PICALM: variants seen among roughly 807,000 people sequenced by gnomAD.
PICALM encodes the protein phosphatidylinositol-binding clathrin assembly protein.
In PICALM, 40 loss-of-function variants were observed where a neutral mutation model predicts 80.5. That is an observed-to-expected ratio of 0.50 (90% CI 0.39 to 0.65). The LOEUF is 0.65. PICALM is among the 30% of genes least tolerant of loss of function. The pLI is 0.00. For synonymous variants in PICALM, 288 were observed against 260.3 expected, an observed-to-expected ratio of 1.11 and a Z score of -1.02; for missense variants, 676 against 778.9, an observed-to-expected ratio of 0.87 and a Z score of 1.57.
intron 5 of PICALM, among the ~76,000 whole-genome samples, chr11:86,013,363 A>G (rs2095430382): frequency 6.6e-6 from 1 of 152,178 alleles, no homozygotes; most frequent in South Asian, 2.1e-4. Flanking sequence ...CCTGTTGAGA[A>G]GTTAGTGGCT....
In PICALM at chr11:85,961,853, A is replaced by G. The variant is rs1271684226; in HGVS notation, c.1945-2793T>C. ...GTGCCAAGTGATTTCATTTCTTTCTACCTATTTATTTATTTATTTATTTAT... is the reference window on the plus strand; with the variant it reads ...GTGCCAAGTGATTTCATTTCTTTCTGCCTATTTATTTATTTATTTATTTAT... On this transcript the variant is annotated intron_variant, in intron 19 of 19. Coordinates refer to ENST00000393346, the MANE Select transcript of PICALM (RefSeq NM_007166.4). Among the ~76,000 whole-genome samples the G allele has an allele frequency of 2.2e-5, 3 of 138,464 alleles. No homozygotes were observed. The East Asian group carries it at 7.0e-4, about 32-fold the overall frequency. The allele number at this position is 138,464 out of a possible 152,430, so 90.8% of individuals were successfully genotyped here. A position where few individuals can be genotyped will look rare whatever the true frequency, so the allele number is the denominator to read the frequency against.
chr11:86,032,359 C>T (rs2095767093), intron 1 of PICALM, among the ~76,000 whole-genome samples: 1 of 152,166 alleles, frequency 6.6e-6, no homozygotes, highest in African/African-American at 2.4e-5. Flanking sequence ...CGGTGGCTCA[C>T]CCCTGTAATC....
chr11:86,007,598 T>C lies in PICALM; in HGVS notation c.766-15A>G, dbSNP rs10792821. On this transcript the variant is annotated splice_polypyrimidine_tract_variant and intron_variant, in intron 7 of 19. Transcript: ENST00000393346. ...ATTCCAACTTGCTGTAAGAAAAGCA[T>C]TGTATTTAATAAATTATAATAAAAA... 265,994 of 1,306,846 alleles carry C rather than the reference T, an allele frequency of 0.2. 28,524 individuals are homozygous for C. The highest frequency in any genetic ancestry group is 0.46 in the East Asian group (18,913 of 41,068). The allele number at this position is 1,306,846 out of a possible 1,614,324, so 81.0% of individuals were successfully genotyped here. A position where few individuals can be genotyped will look rare whatever the true frequency, so the allele number is the denominator to read the frequency against.
At chr11:85,984,666 G>A (rs907078490) in intron 13 of PICALM, among the ~76,000 whole-genome samples, 1 of 152,080 alleles carries the variant, frequency 6.6e-6, no homozygotes, top group Non-Finnish European at 1.5e-5. Flanking sequence ...ACTAATTAAG[G>A]TGACTCTAGT....
chr11:85,963,498 C>A (rs999805411), intron 19 of PICALM, among the ~76,000 whole-genome samples: 1 of 152,202 alleles, frequency 6.6e-6, no homozygotes, highest in Non-Finnish European at 1.5e-5. Flanking sequence ...TATGTCACAA[C>A]TGAAGATGTC....
At chr11:86,068,616 G>A in intron 1 of PICALM, 35 bp downstream of exon 1, 1 of 1,590,368 alleles carries the variant, frequency 6.3e-7, no homozygotes, top group African/African-American at 1.4e-5. Context: ...TCGCGCGGGC[G>A]CCGGGGAGCG....
intron 1 of PICALM, among the ~76,000 whole-genome samples, chr11:86,057,031 A>G (rs966541340): frequency 1.3e-5 from 2 of 152,176 alleles, no homozygotes; most frequent in African/African-American, 4.8e-5. Flanking sequence ...AGTGACCGTT[A>G]ACAGATACAG....
chr11:85,965,519 T>C (rs1022784974), intron 19 of PICALM, among the ~76,000 whole-genome samples: 1 of 152,294 alleles, frequency 6.6e-6, no homozygotes, highest in Admixed American at 6.5e-5. Flanking sequence ...CCATTAGTGG[T>C]ACGTTGAATC....
intron 1 of PICALM, among the ~76,000 whole-genome samples, chr11:86,044,877 C>A (rs945504493): frequency 6.6e-6 from 1 of 152,174 alleles, no homozygotes; most frequent in Non-Finnish European, 1.5e-5. Flanking sequence ...AGTTTCATCC[C>A]GAAACCATCC....
chr11:86,031,377 A>T, intron 2 of PICALM, 92 bp downstream of exon 2: 1 of 940,542 alleles, frequency 1.1e-6, no homozygotes, highest in Non-Finnish European at 1.6e-6. Context: ...TGACCTTTGT[A>T]CCTGGGAGCT....
At chr11:85,971,436 G>A (rs1364981533) in intron 19 of PICALM, among the ~76,000 whole-genome samples, 1 of 151,982 alleles carries the variant, frequency 6.6e-6, no homozygotes, top group Admixed American at 6.6e-5. Context: ...CGTAAAACCT[G>A]GGTTAAGAGC....
intron 1 of PICALM, among the ~76,000 whole-genome samples, chr11:86,055,105 TG>T (rs1353888578): frequency 6.6e-6 from 1 of 151,930 alleles, no homozygotes; most frequent in Non-Finnish European, 1.5e-5. Flanking sequence ...CTGAGATGGG[TG>T]GATCACCTGA....
intron 1 of PICALM, among the ~76,000 whole-genome samples, chr11:86,060,942 ACTT>A (rs1565601315): frequency 6.6e-6 from 1 of 152,208 alleles, no homozygotes; most frequent in African/African-American, 2.4e-5. Context: ...GCTAAACTGG[ACTT>A]CATTAAGATT....
At chr11:86,047,957 C>A (rs768330405) in intron 1 of PICALM, among the ~76,000 whole-genome samples, 1 of 151,908 alleles carries the variant, frequency 6.6e-6, no homozygotes, top group Non-Finnish European at 1.5e-5. Context: ...AAAAATTAGC[C>A]GGGCATGGTG....
chr11:85,960,637 G>C (rs1434935163), intron 19 of PICALM: 3 of 841,632 alleles, frequency 3.6e-6, no homozygotes, highest in Non-Finnish European at 5.2e-6. Flanking sequence ...TTGTTTTTAA[G>C]TATTTAAGTC....
chr11:86,052,100 T>C (rs1452172611), intron 1 of PICALM, among the ~76,000 whole-genome samples: 1 of 152,208 alleles, frequency 6.6e-6, no homozygotes, highest in East Asian at 1.9e-4. Context: ...GTTGTAATAA[T>C]ACCCATGTGA....
intron 1 of PICALM, among the ~76,000 whole-genome samples, chr11:86,037,263 T>G (rs915672770): frequency 2.1e-5 from 3 of 140,308 alleles, no homozygotes; most frequent in African/African-American, 8.0e-5. Flanking sequence ...AAGAAAATTT[T>G]TTTTTTTTTT....
chr11:86,043,844 T>G (rs2096018344), intron 1 of PICALM, among the ~76,000 whole-genome samples: 1 of 152,158 alleles, frequency 6.6e-6, no homozygotes, highest in African/African-American at 2.4e-5. Context: ...CTTAAAAATT[T>G]TTAAATTCTG....
At chr11:86,064,905 T>C (rs2096421554) in intron 1 of PICALM, among the ~76,000 whole-genome samples, 1 of 151,738 alleles carries the variant, frequency 6.6e-6, no homozygotes, top group Admixed American at 6.6e-5. Context: ...GAGACCCCCA[T>C]CTCTCCAAAA....
Sources: gnomAD v4.1 joint callset for allele counts (sites outside exome capture counted in the v4.1 genomes callset) on GRCh38, gnomAD v4.1.1 for gene constraint, MANE v1.5 for transcripts, NCBI Gene and HGNC (gene_info 2026-07-23, HGNC 2026-07-21) for gene names.